COL8A2: variants seen among roughly 807,000 people sequenced by gnomAD.
COL8A2 encodes collagen alpha-2(VIII) chain.
A neutral mutation model predicts 24.0 loss-of-function variants in COL8A2; 16 were observed. That is an observed-to-expected ratio of 0.67 (90% CI 0.45 to 1.01). COL8A2 has a LOEUF of 1.01. COL8A2 is among the 50% of genes least tolerant of loss of function. The pLI is 0.00. For synonymous variants in COL8A2, 466 were observed against 424.5 expected, an observed-to-expected ratio of 1.10 and a Z score of -1.20; for missense variants, 818 against 942.4, an observed-to-expected ratio of 0.87 and a Z score of 1.73.
chr1:36,099,055 C>A lies in COL8A2; in HGVS notation c.626G>T (p.Gly209Val). ...CCCAGGCAGCCCGGGCTGGCCCACT[C>A]CATTATCCCCCTTGAGGCCTCGATC... ...PGDRGLKGDN[G>V]VGQPGLPGAP... Residue 209 changes from glycine to valine, a missense_variant, in exon 4 of 4, where the codon GGA becomes GTA. Physicochemically the swap from Gly to Val is moderately radical, Grantham distance 109. This residue lies in a region of COL8A2 where 573 missense variants were observed against 616.8 expected (regional missense o/e 0.93). Coordinates refer to ENST00000397799, the MANE Select transcript of COL8A2 (RefSeq NM_005202.4). The A allele has an allele frequency of 6.6e-7, 1 of 1,524,872 alleles. No homozygotes were observed. Among genetic ancestry groups the A allele is most frequent in the Non-Finnish European group, 8.8e-7 (1 of 1,139,024 alleles). The allele number at this position is 1,524,872 out of a possible 1,614,324, so 94.5% of individuals were successfully genotyped here.
chr1:36,115,699 C>T lies in COL8A2; in HGVS notation c.-17+9G>A, dbSNP rs1461020987. The stretch of plus-strand genomic sequence containing the variant: ...ATATCAGAAAACCCCATCCCCAAAC[C>T]TAGCTTACCTTTCAGGTCGGAGGGG... On this transcript the variant is annotated intron_variant, in intron 2 of 3. Coordinates refer to ENST00000397799, the MANE Select transcript of COL8A2 (RefSeq NM_005202.4). The surrounding 1 kb of genome is among the most constrained non-coding windows in gnomAD (Gnocchi z 5.7). 2.0e-6 allele frequency: 2 copies of T among 985,230 alleles called. No homozygotes were observed. The highest frequency in any genetic ancestry group is 6.2e-5 in the Admixed American group (1 of 16,248). The allele number at this position is 985,230 out of a possible 1,614,324, so 61.0% of individuals were successfully genotyped here.
chr1:36,109,253 C>T (rs1160070639), intron 2 of COL8A2, among the ~76,000 whole-genome samples: 5 of 152,220 alleles, frequency 3.3e-5, no homozygotes, highest in Admixed American at 2.6e-4. Flanking sequence ...TCACCCGCCC[C>T]GCGCTGCTCT....
Position 36,097,842 on chromosome 1 carries a change from G to C in COL8A2, c.1839C>G (p.Thr613=). Residue 613 remains threonine, a synonymous_variant, in exon 4 of 4, where the codon ACC becomes ACG. Transcript: ENST00000397799. ...SGYNPATGIF[T]CPVGGVYYFA... ...AGTAGTAGACGCCGCCCACAGGGCA[G>C]GTGAAGATGCCAGTGGCTGGGTTGT... is the stretch of plus-strand genomic sequence containing the variant. The C allele has an allele frequency of 6.2e-7, 1 of 1,613,280 alleles. No homozygotes were observed. The highest frequency in any genetic ancestry group is 8.5e-7 in the Non-Finnish European group (1 of 1,180,026).
intron 2 of COL8A2, among the ~76,000 whole-genome samples, chr1:36,100,676 T>C (rs938166361): frequency 2.0e-5 from 3 of 152,166 alleles, no homozygotes; most frequent in South Asian, 2.1e-4. Flanking sequence ...TTTAGGGACA[T>C]GAATTCACTT....
At chr1:36,110,631 AG>A (rs1448370682) in intron 2 of COL8A2, among the ~76,000 whole-genome samples, 6 of 152,172 alleles carry the variant, frequency 3.9e-5, no homozygotes, top group Non-Finnish European at 8.8e-5. Context: ...CTGGGATTAC[AG>A]GGGTACACAC....
chr1:36,102,904 C>T (rs1220070157), intron 2 of COL8A2, among the ~76,000 whole-genome samples: 1 of 151,972 alleles, frequency 6.6e-6, no homozygotes, highest in African/African-American at 2.4e-5. Flanking sequence ...AACTCCTGAC[C>T]TCTAGCGATC....
rs1193450254 is a variant in COL8A2 at position 36,123,667 on chromosome 1, G to A, written c.-62+1390C>T. On this transcript the variant is annotated intron_variant, in intron 1 of 3. Coordinates refer to ENST00000397799, the MANE Select transcript of COL8A2 (RefSeq NM_005202.4). The surrounding 1 kb of genome is among the most constrained non-coding windows in gnomAD (Gnocchi z 4.1). The stretch of plus-strand genomic sequence containing the variant: ...GTGTCCGCCTGTGTCTTGTGGTGGT[G>A]TATGTTTCATTAGAGGAGGGTGTCC... Among the ~76,000 whole-genome samples the A allele has an allele frequency of 2.0e-5, 3 of 152,168 alleles. No individual in the cohort carries two copies. The highest frequency in any genetic ancestry group is 1.9e-4 in the East Asian group (1 of 5,190).
At chr1:36,106,825 C>T (rs1019063081) in intron 2 of COL8A2, among the ~76,000 whole-genome samples, 9 of 152,314 alleles carry the variant, frequency 5.9e-5, no homozygotes, top group Non-Finnish European at 1.2e-4. Context: ...CCTTGACCCA[C>T]CCTCTTGGCT....
chr1:36,117,136 T>C (rs1296059755), intron 1 of COL8A2, among the ~76,000 whole-genome samples: 1 of 152,220 alleles, frequency 6.6e-6, no homozygotes, highest in Non-Finnish European at 1.5e-5. Context: ...TCCAGTCCTG[T>C]CTGTAGCTGC....
intron 2 of COL8A2, among the ~76,000 whole-genome samples, chr1:36,107,286 C>G (rs923363812): frequency 1.3e-5 from 2 of 152,096 alleles, no homozygotes; most frequent in Non-Finnish European, 2.9e-5. Flanking sequence ...CACCTGTAGT[C>G]CCAGCTACTT....
rs762397177 is a variant in COL8A2, at chr1:36,123,158, C to T, written c.-62+1899G>A. On this transcript the variant is annotated intron_variant, in intron 1 of 3. Transcript: ENST00000397799. This position sits in a 1 kb window ranked among gnomAD's most constrained non-coding sequence, Gnocchi z 4.1. ...CACAGCCACACCCCAGAGGAGAGGC[C>T]GCTGTGTCTCTCTCGTTCCTCCGAC... Among the ~76,000 whole-genome samples, 1 of 152,222 alleles carries T rather than the reference C, an allele frequency of 6.6e-6. No individual in the cohort carries two copies. Among genetic ancestry groups the T allele is most frequent in the Non-Finnish European group, 1.5e-5 (1 of 68,048 alleles).
chr1:36,124,114 C>T (rs193094658), intron 1 of COL8A2, among the ~76,000 whole-genome samples: 1 of 152,114 alleles, frequency 6.6e-6, no homozygotes, highest in Non-Finnish European at 1.5e-5. Context: ...AGTGGATGAG[C>T]CCCTGCTGCC....
At chr1:36,108,886 G>A (rs956962082) in intron 2 of COL8A2, among the ~76,000 whole-genome samples, 3 of 152,306 alleles carry the variant, frequency 2.0e-5, no homozygotes, top group Admixed American at 1.3e-4. Flanking sequence ...GACCAGCAGA[G>A]GAGGGCTATG....
chr1:36,125,041 G>A lies in COL8A2; in HGVS notation c.-62+16C>T. The A allele has an allele frequency of 1.0e-6, 1 of 967,222 alleles. No homozygotes were observed. The highest frequency in any genetic ancestry group is 1.2e-6 in the Non-Finnish European group (1 of 813,698). 59.9% of individuals were successfully genotyped at this position (967,222 alleles called of 1,614,324 possible). ...CCCCCCAGCCCGAGCCCCGGTGCCC[G>A]CCTCCTGGCCTTTACCTGCGGGCGC... is the stretch of plus-strand genomic sequence containing the variant. On this transcript the variant is annotated intron_variant, in intron 1 of 3. Coordinates refer to ENST00000397799, the MANE Select transcript of COL8A2 (RefSeq NM_005202.4). This position sits in a 1 kb window ranked among gnomAD's most constrained non-coding sequence, Gnocchi z 4.5.
chr1:36,106,392 A>G (rs1169370232), intron 2 of COL8A2, among the ~76,000 whole-genome samples: 2 of 151,948 alleles, frequency 1.3e-5, no homozygotes, highest in Non-Finnish European at 2.9e-5. Context: ...CCACCACACC[A>G]TCCCCACTCT....
At chr1:36,120,485 C>T (rs1643903176) in intron 1 of COL8A2, among the ~76,000 whole-genome samples, 1 of 150,634 alleles carries the variant, frequency 6.6e-6, no homozygotes, top group African/African-American at 2.5e-5. Flanking sequence ...CACAATGGCT[C>T]ACGCCTGTAA....
rs1343062289 is a variant in COL8A2, at chr1:36,097,610, T to C, written c.2071A>G (p.Ile691Val). The change falls in exon 4 of 4, where the codon ATC becomes GTC. Residue 691 changes from isoleucine to valine, a missense_variant. By Grantham distance (29) the Ile-to-Val change is conservative (BLOSUM62 3). This residue lies in a region of COL8A2 where 235 missense variants were observed against 297.3 expected (regional missense o/e 0.79). Transcript: ENST00000397799. ...AAGAATCCTGAAAAGGAGGAGTGGATGTACTCCGTGGAGTAGAGGCCGTTG... is the reference window on the plus strand; with the variant it reads ...AAGAATCCTGAAAAGGAGGAGTGGACGTACTCCGTGGAGTAGAGGCCGTTG... ...QANGLYSTEYIHSSFSGFLLC... is the reference protein window; with the variant it reads ...QANGLYSTEYVHSSFSGFLLC... The C allele has an allele frequency of 6.2e-7, 1 of 1,612,612 alleles. No homozygotes were observed. The highest frequency in any genetic ancestry group is 1.3e-5 in the African/African-American group (1 of 74,856).
At chr1:36,119,823 C>T (rs768657800) in intron 1 of COL8A2, among the ~76,000 whole-genome samples, 7 of 152,132 alleles carry the variant, frequency 4.6e-5, no homozygotes, top group African/African-American at 7.2e-5. Flanking sequence ...CCCTCTACCC[C>T]GCAATCTAGG....
At position 36,125,133 on chromosome 1, in the gene COL8A2, C is replaced by A. The variant is rs867611560; in HGVS notation, c.-138G>T. 259 of 855,122 alleles carry A rather than the reference C, an allele frequency of 3.0e-4. 1 individual carries two copies. The Middle Eastern group carries it at 0.01, about 34-fold the overall frequency. 53.0% of individuals were successfully genotyped at this position (855,122 alleles called of 1,614,324 possible). Reference sequence around the variant, plus strand: ...CGGCGAGGGCTCCGGGCAGGGGCGTCCGCGGCTGGGCGGGCGGCGTTGGGG... The same window carrying A: ...CGGCGAGGGCTCCGGGCAGGGGCGTACGCGGCTGGGCGGGCGGCGTTGGGG... On this transcript the variant is annotated 5_prime_UTR_variant, in exon 1 of 4. Coordinates refer to ENST00000397799, the MANE Select transcript of COL8A2 (RefSeq NM_005202.4). This position sits in a 1 kb window ranked among gnomAD's most constrained non-coding sequence, Gnocchi z 4.5.
Sources: allele counts gnomAD v4.1 joint callset (sites outside exome capture counted in the v4.1 genomes callset), GRCh38; gene constraint gnomAD v4.1.1; regional missense constraint gnomAD v4.1.1; non-coding constraint Gnocchi (gnomAD v3.1); transcripts MANE v1.5; gene names NCBI Gene and HGNC (gene_info 2026-07-23, HGNC 2026-07-21).